ERC1: variants seen among roughly 807,000 people sequenced by gnomAD.
The protein encoded by ERC1 is RAB6 interacting protein 2.
In ERC1, 56 loss-of-function variants were observed where a neutral mutation model predicts 132.0. The ratio of observed to expected loss-of-function variants is 0.42; its 90% CI spans 0.34 to 0.53. ERC1 has a LOEUF of 0.53. Among genes scored for constraint, ERC1 ranks in the 20% least tolerant of loss-of-function variants. The probability of loss-of-function intolerance (pLI) is 0.03; values close to 1 mark genes in which losing one functional copy is unlikely to be tolerated. For synonymous variants in ERC1, 478 were observed against 476.1 expected, an observed-to-expected ratio of 1.00 and a Z score of -0.05; for missense variants, 1,202 against 1,349.9, an observed-to-expected ratio of 0.89 and a Z score of 1.72.
intron 15 of ERC1, among the ~76,000 whole-genome samples, chr12:1,306,625 G>C (rs1400534278): frequency 6.6e-6 from 1 of 152,178 alleles, no homozygotes; most frequent in Admixed American, 6.5e-5. Flanking sequence ...AGATGCTGCA[G>C]CTCTGCTTGC....
At chr12:1,185,653 A>G (rs1954997094) in intron 11 of ERC1, among the ~76,000 whole-genome samples, 1 of 151,658 alleles carries the variant, frequency 6.6e-6, no homozygotes, top group South Asian at 2.1e-4. Flanking sequence ...TGTGTGAATG[A>G]CATTTTTATC....
chr12:1,037,336 G>A (rs536986889), intron 2 of ERC1, among the ~76,000 whole-genome samples: 3 of 152,296 alleles, frequency 2.0e-5, no homozygotes, highest in South Asian at 2.1e-4. Context: ...TTTGCAGATA[G>A]CATCTTAAAT....
At chr12:1,007,371 G>C (rs1199550204) in intron 1 of ERC1, among the ~76,000 whole-genome samples, 1 of 152,162 alleles carries the variant, frequency 6.6e-6, no homozygotes, top group Non-Finnish European at 1.5e-5. Flanking sequence ...CTGTGGACCT[G>C]TTCCCACTAA....
chr12:1,074,916 C>A (rs1360542822), intron 2 of ERC1, among the ~76,000 whole-genome samples: 1 of 151,918 alleles, frequency 6.6e-6, no homozygotes, highest in African/African-American at 2.4e-5. Flanking sequence ...TTTAATCCAT[C>A]CCTTTGAGTT....
chr12:1,322,594 A>G (rs575320872), intron 15 of ERC1, among the ~76,000 whole-genome samples: 5 of 152,304 alleles, frequency 3.3e-5, no homozygotes, highest in African/African-American at 9.6e-5. Flanking sequence ...AGAGAGGGGT[A>G]TGTTGAGTTC....
chr12:1,189,802 G>A, intron 11 of ERC1, 57 bp from the exon 12 acceptor site: 1 of 1,342,984 alleles, frequency 7.4e-7, no homozygotes. Flanking sequence ...TTTGGGACAT[G>A]GTTTGCCCAT....
At chr12:1,137,796 T>C (rs1593608700) in intron 7 of ERC1, among the ~76,000 whole-genome samples, 1 of 151,322 alleles carries the variant, frequency 6.6e-6, no homozygotes, top group Non-Finnish European at 1.5e-5. Flanking sequence ...GAGGTTACAG[T>C]GAGCCGAGAT....
intron 2 of ERC1, among the ~76,000 whole-genome samples, chr12:1,051,770 G>C (rs1466253303): frequency 6.6e-6 from 1 of 151,950 alleles, no homozygotes; most frequent in Non-Finnish European, 1.5e-5. Context: ...ATGTGGGCAG[G>C]GGGAGAGGAA....
At chr12:1,362,816 G>A (rs74057182) in intron 15 of ERC1, among the ~76,000 whole-genome samples, 3,772 of 152,208 alleles carry the variant, frequency 0.025, 170 homozygotes, top group African/African-American at 0.087. Flanking sequence ...GTATCAGTGT[G>A]CTTAATGCCA....
intron 15 of ERC1, among the ~76,000 whole-genome samples, chr12:1,367,246 A>T (rs760588307): frequency 3.9e-5 from 6 of 152,244 alleles, no homozygotes; most frequent in Non-Finnish European, 8.8e-5. Flanking sequence ...TTATCTTAAA[A>T]TTAGAGTAAA....
chr12:1,306,723 GT>G (rs1050445762), intron 15 of ERC1, among the ~76,000 whole-genome samples: 1 of 151,478 alleles, frequency 6.6e-6, no homozygotes. Flanking sequence ...AGAAAGTTGG[GT>G]TTTTTTTGTT....
intron 15 of ERC1, among the ~76,000 whole-genome samples, chr12:1,365,250 C>T (rs1447144603): frequency 6.6e-6 from 1 of 151,992 alleles, no homozygotes; most frequent in East Asian, 1.9e-4. Context: ...GCCCAAAGCT[C>T]ATGGTTTCTT....
chr12:1,484,044 G>T (rs957792534), intron 18 of ERC1, among the ~76,000 whole-genome samples: 1 of 146,480 alleles, frequency 6.8e-6, no homozygotes, highest in South Asian at 2.2e-4. Flanking sequence ...GGTGGCTCAC[G>T]CCTGTAATCC....
chr12:1,252,085 T>A (rs1280154307), intron 13 of ERC1, among the ~76,000 whole-genome samples: 3 of 152,188 alleles, frequency 2.0e-5, no homozygotes, highest in Non-Finnish European at 4.4e-5. Flanking sequence ...TGATCAGATC[T>A]GGGTAATTAG....
intron 17 of ERC1, among the ~76,000 whole-genome samples, chr12:1,441,891 G>A (rs2093165286): frequency 6.6e-6 from 1 of 152,162 alleles, no homozygotes; most frequent in South Asian, 2.1e-4. Flanking sequence ...ACTGCACCTG[G>A]AATCCTTTGT....
At chr12:1,301,086 G>A (rs2080357359) in intron 15 of ERC1, among the ~76,000 whole-genome samples, 1 of 151,956 alleles carries the variant, frequency 6.6e-6, no homozygotes, top group South Asian at 2.1e-4. Context: ...AAGTAACACA[G>A]GAGTTAAAAA....
chr12:1,175,410 T>C (rs1452496366), intron 8 of ERC1, among the ~76,000 whole-genome samples: 1 of 152,092 alleles, frequency 6.6e-6, no homozygotes, highest in Non-Finnish European at 1.5e-5. Flanking sequence ...TTCTACATAT[T>C]TTGTTGTCAT....
chr12:1,471,972 T>C (rs2093871336), intron 18 of ERC1, among the ~76,000 whole-genome samples: 1 of 152,212 alleles, frequency 6.6e-6, no homozygotes, highest in Non-Finnish European at 1.5e-5. Context: ...GCCCTGTACC[T>C]CTTGAGACCT....
At chr12:1,237,736 T>A (rs2075517768) in intron 13 of ERC1, among the ~76,000 whole-genome samples, 1 of 152,238 alleles carries the variant, frequency 6.6e-6, no homozygotes, top group African/African-American at 2.4e-5. Flanking sequence ...TTTGTCTTGA[T>A]CATAATGCTT....
Sources: gnomAD v4.1 joint callset for allele counts (sites outside exome capture counted in the v4.1 genomes callset) on GRCh38, gnomAD v4.1.1 for gene constraint, MANE v1.5 for transcripts, NCBI Gene and HGNC (gene_info 2026-07-23, HGNC 2026-07-21) for gene names.